CDKL4: variants seen among roughly 807,000 people sequenced by gnomAD.
CDKL4 encodes the protein cyclin dependent kinase like 4.
In CDKL4, 44 loss-of-function variants were observed where a neutral mutation model predicts 42.0. The ratio of observed to expected loss-of-function variants is 1.05; its 90% CI spans 0.82 to 1.35. The LOEUF is 1.35. Ranked by LOEUF, CDKL4 falls within the 40% of genes most tolerant of loss-of-function variation. CDKL4 has a pLI of 0.00. For missense variants in CDKL4, 393 were observed against 369.9 expected (o/e 1.06, Z -0.51); for synonymous variants, 120 against 121.6 (o/e 0.99, Z 0.09).
chr2:39,186,842 T>C (rs1168854399), intron 7 of CDKL4, among the ~76,000 whole-genome samples: 1 of 152,232 alleles, frequency 6.6e-6, no homozygotes, highest in African/African-American at 2.4e-5. Context: ...ACCAATGGAT[T>C]AAAATTATGT....
At chr2:39,213,929 G>GTT (rs764660896) in intron 3 of CDKL4, among the ~76,000 whole-genome samples, 3 of 146,856 alleles carry the variant, frequency 2.0e-5, no homozygotes, top group Non-Finnish European at 4.6e-5. Flanking sequence ...GTTTTGTTTT[G>GTT]TTTTTTGAGA....
intron 8 of CDKL4, among the ~76,000 whole-genome samples, chr2:39,179,903 C>T (rs1675339056): frequency 6.6e-6 from 1 of 152,118 alleles, no homozygotes; most frequent in South Asian, 2.1e-4. Flanking sequence ...AAAATAACTA[C>T]AGGCAAAACA....
rs11904381 is a variant in CDKL4, at chr2:39,198,134, G to A, written c.454+6393C>T. Among the ~76,000 whole-genome samples, 13 of 152,112 alleles carry A rather than the reference G, an allele frequency of 8.5e-5. No homozygotes were observed. The South Asian group carries it at 1.7e-3, about 19-fold the overall frequency. On this transcript the variant is annotated intron_variant, in intron 5 of 9. Coordinates refer to ENST00000451199, the Ensembl canonical transcript of CDKL4. ...GACTCACATAAGCTTAAAGTAAAGT[G>A]GGGGGAAAGGGTATTCCATGCCAGT... is the stretch of plus-strand genomic sequence containing the variant.
intron 3 of CDKL4, among the ~76,000 whole-genome samples, chr2:39,217,395 A>G (rs1677996775): frequency 1.3e-5 from 2 of 152,292 alleles, no homozygotes; most frequent in Admixed American, 6.5e-5. Flanking sequence ...TGCTCAGAAT[A>G]TGCTCTTTGA....
chr2:39,169,009 C>A, the CDKL4 span, among the ~76,000 whole-genome samples: 1 of 152,036 alleles, frequency 6.6e-6, no homozygotes, highest in Non-Finnish European at 1.5e-5. Flanking sequence ...CCTGCCTTGC[C>A]CTCCCAAAGT....
At chr2:39,209,295 G>C (rs1477481167) in intron 4 of CDKL4, among the ~76,000 whole-genome samples, 1 of 144,530 alleles carries the variant, frequency 6.9e-6, no homozygotes, top group East Asian at 2.0e-4. Context: ...CTGGGAAACA[G>C]AGCAAGATCC....
At chr2:39,227,404 C>T (rs1678817824) in intron 2 of CDKL4, among the ~76,000 whole-genome samples, 1 of 152,124 alleles carries the variant, frequency 6.6e-6, no homozygotes, top group Admixed American at 6.6e-5. Context: ...CATGGCTTGA[C>T]CAAAACAAAT....
chr2:39,185,378 GTATA>G (rs1553381172), intron 7 of CDKL4, among the ~76,000 whole-genome samples: 1 of 16,400 alleles, frequency 6.1e-5, no homozygotes, highest in African/African-American at 1.7e-4. Context: ...ATATACATAT[GTATA>G]TATACATGTA....
chr2:39,191,512 G>A (rs1000516103), intron 5 of CDKL4, among the ~76,000 whole-genome samples: 2 of 152,228 alleles, frequency 1.3e-5, no homozygotes, highest in Non-Finnish European at 2.9e-5. Flanking sequence ...CCAGAATTGT[G>A]AGAAAATAGA....
chr2:39,232,820 C>T (rs961533605), intron 1 of CDKL4, among the ~76,000 whole-genome samples: 25 of 151,712 alleles, frequency 1.6e-4, no homozygotes, highest in African/African-American at 5.6e-4. Flanking sequence ...CTGAGGCGGG[C>T]GGATCACGAG....
intron 2 of CDKL4, among the ~76,000 whole-genome samples, chr2:39,226,447 A>ATATATATATTATATATATTATATATAT (rs1421984022): frequency 1.0e-3 from 136 of 135,248 alleles, no homozygotes; most frequent in Non-Finnish European, 1.7e-3. Flanking sequence ...TATATATATT[A>ATATATATATTATATATATTATATATAT]TATATATATT....
intron 7 of CDKL4, among the ~76,000 whole-genome samples, chr2:39,184,975 T>C (rs1168648517): frequency 6.6e-6 from 1 of 151,540 alleles, no homozygotes; most frequent in East Asian, 1.9e-4. Context: ...CCTCAAGTGA[T>C]TCTTCTGCCT....
chr2:39,183,504 C>A (rs765714242), intron 8 of CDKL4, among the ~76,000 whole-genome samples: 2 of 152,158 alleles, frequency 1.3e-5, no homozygotes, highest in Non-Finnish European at 2.9e-5. Context: ...GAGATGAGGA[C>A]AGGGAACTTG....
chr2:39,211,815 T>C (rs966722527), intron 4 of CDKL4, among the ~76,000 whole-genome samples: 3 of 151,972 alleles, frequency 2.0e-5, no homozygotes, highest in African/African-American at 7.2e-5. Flanking sequence ...AGCCCACTCA[T>C]CAATTTTAAC....
intron 5 of CDKL4, among the ~76,000 whole-genome samples, chr2:39,194,657 C>T (rs74551676): frequency 0.015 from 2,319 of 152,192 alleles, 69 homozygotes; most frequent in African/African-American, 0.053. Flanking sequence ...TTTTGTGGTT[C>T]TCTTTTAAAC....
intron 6 of CDKL4, among the ~76,000 whole-genome samples, chr2:39,189,799 G>A (rs181036743): frequency 6.6e-5 from 10 of 152,320 alleles, no homozygotes; most frequent in East Asian, 5.8e-4. Context: ...GACATGCTGC[G>A]TATTGCTGCT....
chr2:39,188,465 G>C (rs1675963088), intron 6 of CDKL4, among the ~76,000 whole-genome samples: 1 of 149,692 alleles, frequency 6.7e-6, no homozygotes, highest in Non-Finnish European at 1.5e-5. Context: ...AGGAGGCTGA[G>C]GCAGGAGAAT....
In CDKL4 at chr2:39,185,253, T is replaced by C. The variant is rs7602316; in HGVS notation, c.736-606A>G. 7.7e-4 allele frequency among the ~76,000 whole-genome samples: 40 copies of C among 52,090 alleles called. 12 individuals are homozygous for C. The highest frequency in any genetic ancestry group is 4.5e-3 in the African/African-American group (39 of 8,740). 34.2% of individuals were successfully genotyped at this position (52,090 alleles called of 152,430 possible). On this transcript the variant is annotated intron_variant, in intron 7 of 9. Coordinates refer to ENST00000451199, the Ensembl canonical transcript of CDKL4. ...ATACGTATATATACATATATACACATATGTATATATACATATATATACACA... is the reference window on the plus strand; with the variant it reads ...ATACGTATATATACATATATACACACATGTATATATACATATATATACACA...
downstream of CDKL4, among the ~76,000 whole-genome samples, chr2:39,172,251 G>T (rs531384314): frequency 6.6e-6 from 1 of 151,880 alleles, no homozygotes; most frequent in Non-Finnish European, 1.5e-5. Flanking sequence ...GGCAGAGGTT[G>T]CAGTGAGCCA....
Sources: allele counts gnomAD v4.1 joint callset (sites outside exome capture counted in the v4.1 genomes callset), GRCh38; gene constraint gnomAD v4.1.1; transcripts MANE v1.5; gene names NCBI Gene and HGNC (gene_info 2026-07-23, HGNC 2026-07-21).